The following UTRN variants were observed in gnomAD, a reference collection of about 807,000 sequenced individuals.
The protein encoded by UTRN is utrophin.
In UTRN, 283 loss-of-function variants were observed where a neutral mutation model predicts 463.9. That is an observed-to-expected ratio of 0.61 (90% CI 0.55 to 0.67). The LOEUF is 0.67. Among genes scored for constraint, UTRN ranks in the 30% least tolerant of loss-of-function variants. The pLI is 0.00. For missense variants in UTRN, 3,922 were observed against 4,084.3 expected (o/e 0.96, Z 1.08); for synonymous variants, 1,442 against 1,431.5 (o/e 1.01, Z -0.17).
At chr6:144,492,181 C>T (rs146267757) in intron 32 of UTRN, among the ~76,000 whole-genome samples, 1 of 152,284 alleles carries the variant, frequency 6.6e-6, no homozygotes, top group African/African-American at 2.4e-5. Flanking sequence ...TTTCCTCCTT[C>T]CCTCCTTTTG....
Position 144,448,560 on chromosome 6 carries a change from CTGTTA to C in UTRN, c.1903-38_1903-34del, listed in dbSNP as rs769746977. 10 of 1,585,852 alleles carry C rather than the reference CTGTTA, an allele frequency of 6.3e-6. No homozygotes were observed. In the African/African-American group the frequency reaches 1.4e-4, roughly 22 times the overall value. On this transcript the variant is annotated intron_variant, in intron 16 of 74. Coordinates refer to ENST00000367545, the MANE Select transcript of UTRN (RefSeq NM_007124.3). ...GCATGTGAATTACATCTCAATGAAG[CTGTTA>C]TAAACATTGAAATTTTGGATGGCTT...
chr6:144,539,214 C>A, intron 44 of UTRN, 80 bp from the exon 45 acceptor site: 1 of 1,377,420 alleles, frequency 7.3e-7, no homozygotes, highest in Non-Finnish European at 9.6e-7. Context: ...GTAATAATAC[C>A]AAAAAGGTTT....
At chr6:144,423,680 T>C in intron 5 of UTRN, 54 bp downstream of exon 5, 1 of 1,590,426 alleles carries the variant, frequency 6.3e-7, no homozygotes, top group Non-Finnish European at 8.6e-7. Context: ...CATTATTTAT[T>C]GTGAAACTCA....
intron 74 of UTRN, among the ~76,000 whole-genome samples, chr6:144,847,653 G>A (rs893840748): frequency 2.6e-5 from 4 of 152,150 alleles, no homozygotes; most frequent in African/African-American, 9.7e-5. Context: ...AAGATAAGCT[G>A]TTAATTCACA....
chr6:144,416,889 A>C (rs998171157), intron 3 of UTRN, among the ~76,000 whole-genome samples: 4 of 152,228 alleles, frequency 2.6e-5, no homozygotes, highest in Admixed American at 2.6e-4. Flanking sequence ...TATTCACTAA[A>C]TATTTGTCCA....
At chr6:144,363,855 G>C (rs564264578) in intron 2 of UTRN, among the ~76,000 whole-genome samples, 7 of 152,304 alleles carry the variant, frequency 4.6e-5, no homozygotes, top group African/African-American at 1.7e-4. Context: ...ATAGGGGGTA[G>C]CTATAAAAAG....
intron 51 of UTRN, among the ~76,000 whole-genome samples, chr6:144,598,095 G>C (rs1206675511): frequency 6.6e-6 from 1 of 152,182 alleles, no homozygotes; most frequent in African/African-American, 2.4e-5. Context: ...GTCAAACTCT[G>C]TAATATTTGA....
At chr6:144,708,069 C>CTT (rs71028303) in intron 53 of UTRN, 105 of 170,460 alleles carry the variant, frequency 6.2e-4, no homozygotes, top group East Asian at 1.2e-3. Context: ...TGAAAATTAA[C>CTT]TTTTTTTTTT....
chr6:144,647,518 T>C (rs900955849), intron 51 of UTRN, among the ~76,000 whole-genome samples: 2 of 152,182 alleles, frequency 1.3e-5, no homozygotes, highest in African/African-American at 2.4e-5. Flanking sequence ...AGAAAGATCA[T>C]TGGTTACAAG....
At chr6:144,550,824 A>G (rs1164464967) in intron 47 of UTRN, 141 bp from the exon 48 acceptor site, 2 of 559,284 alleles carry the variant, frequency 3.6e-6, no homozygotes, top group African/African-American at 3.9e-5. Flanking sequence ...TCATGCACTC[A>G]TTTTCTGCCA....
At chr6:144,321,763 C>T (rs900910759) in intron 2 of UTRN, among the ~76,000 whole-genome samples, 46 of 144,038 alleles carry the variant, frequency 3.2e-4, no homozygotes, top group Non-Finnish European at 6.5e-4. Flanking sequence ...AGCCACTGTG[C>T]CTGGCCTTTT....
In UTRN at chr6:144,403,231, G is replaced by C. The variant is rs374741076; in HGVS notation, c.141+47G>C. ...TTCGATGGTTCAGATGCCGCATTCT[G>C]ATTGAAGGAGTTTGGTTGGAAGTGC... On this transcript the variant is annotated intron_variant, in intron 3 of 74. Transcript: ENST00000367545. The C allele has an allele frequency of 1.4e-4, 226 of 1,559,448 alleles. 3 individuals are homozygous for C. In the East Asian group the frequency reaches 3.4e-3, roughly 23 times the overall value.
chr6:144,452,195 CAAAAT>C (rs1042153589), intron 18 of UTRN, among the ~76,000 whole-genome samples: 19 of 152,278 alleles, frequency 1.2e-4, no homozygotes, highest in African/African-American at 4.6e-4. Context: ...TTTAGTTAGA[CAAAAT>C]AAACGGTGTT....
At chr6:144,762,773 A>G (rs558788597) in intron 58 of UTRN, among the ~76,000 whole-genome samples, 2 of 152,332 alleles carry the variant, frequency 1.3e-5, no homozygotes, top group South Asian at 4.1e-4. Flanking sequence ...TGCGAGTAAG[A>G]TGGCCAACAA....
chr6:144,362,159 A>G (rs1417581053), intron 2 of UTRN, among the ~76,000 whole-genome samples: 1 of 152,082 alleles, frequency 6.6e-6, no homozygotes, highest in African/African-American at 2.4e-5. Flanking sequence ...TCCTTCCTAC[A>G]TGGGTGGGGT....
At position 144,554,874 on chromosome 6, in the gene UTRN, A is replaced by G. The variant is rs1274142355; in HGVS notation, c.7115A>G (p.Lys2372Arg). The change falls in exon 49 of 75, where the codon AAA becomes AGA. Residue 2372 changes from lysine (K) to arginine (R), a missense_variant. Physicochemically the swap from Lys to Arg is conservative, Grantham distance 26. Around this residue, in one of 3 missense-constraint regions of UTRN, gnomAD observed 1,309 missense variants for 1,452.6 expected, o/e 0.90. Coordinates refer to ENST00000367545, the MANE Select transcript of UTRN (RefSeq NM_007124.3). ...LQQARRDPLT[K>R]QISDNQILLQ... Reference sequence around the variant, plus strand: ...CAAGCCCGACGGGATCCACTCACCAAACAAATTTCTGATAACCAAGTAAGA... The same window carrying G: ...CAAGCCCGACGGGATCCACTCACCAGACAAATTTCTGATAACCAAGTAAGA... 1.2e-5 allele frequency: 19 copies of G among 1,613,932 alleles called. No homozygotes were observed. Among genetic ancestry groups the G allele is most frequent in the Middle Eastern group, 1.6e-4 (1 of 6,078 alleles).
chr6:144,790,974 G>A (rs1162292557), intron 62 of UTRN, among the ~76,000 whole-genome samples: 9 of 152,172 alleles, frequency 5.9e-5, no homozygotes, highest in Admixed American at 1.3e-4. Context: ...AGGCTCTGCC[G>A]TGAAATTTCT....
chr6:144,766,669 G>A (rs1793381769), intron 58 of UTRN, among the ~76,000 whole-genome samples: 1 of 151,982 alleles, frequency 6.6e-6, no homozygotes, highest in African/African-American at 2.4e-5. Context: ...AACAGAAGTG[G>A]CTGGAGTGGT....
At chr6:144,668,283 C>T (rs1197508553) in intron 51 of UTRN, among the ~76,000 whole-genome samples, 1 of 152,076 alleles carries the variant, frequency 6.6e-6, no homozygotes, top group Non-Finnish European at 1.5e-5. Context: ...TAGTGGAGGT[C>T]TATGGGTGAT....
Sources: allele counts gnomAD v4.1 joint callset (sites outside exome capture counted in the v4.1 genomes callset), GRCh38; gene constraint gnomAD v4.1.1; regional missense constraint gnomAD v4.1.1; transcripts MANE v1.5; gene names NCBI Gene and HGNC (gene_info 2026-07-23, HGNC 2026-07-21).